The following RGL1 variants were observed in gnomAD, a reference collection of about 807,000 sequenced individuals.
The protein encoded by RGL1 is ral guanine nucleotide dissociation stimulator-like 1.
Under a neutral mutation model 95.2 loss-of-function variants are expected in RGL1, and 24 were observed. The observed-to-expected ratio is 0.25, with a 90% confidence interval of 0.18 to 0.35. The LOEUF is 0.35. Ranked by LOEUF, RGL1 falls within the 10% of genes least tolerant of loss-of-function variation. The probability of loss-of-function intolerance (pLI) is 1.00; values close to 1 mark genes in which losing one functional copy is unlikely to be tolerated. For missense variants in RGL1, 715 were observed against 936.3 expected, an observed-to-expected ratio of 0.76 and a Z score of 3.08; for synonymous variants, 329 against 344.9, an observed-to-expected ratio of 0.95 and a Z score of 0.51.
At chr1:183,749,612 G>C (rs552659612) in intron 2 of RGL1, among the ~76,000 whole-genome samples, 27 of 152,288 alleles carry the variant, frequency 1.8e-4, no homozygotes, top group African/African-American at 6.5e-4. Flanking sequence ...CATGATGCTA[G>C]CTGGTAATTT....
In RGL1 at chr1:183,805,321, A is replaced by G; in HGVS notation, c.24A>G (p.Lys8=). Residue 8 remains lysine, a synonymous_variant, in exon 1 of 18, where the codon AAA becomes AAG. Transcript: ENST00000360851. The part of the protein sequence containing the change: MKLLWQA[K]MSSIQDWGEE... ...GAATGAAATTGCTTTGGCAAGCTAAAATGGTAACGAGAGCTCTCTGCCTTC... is the reference window on the plus strand; with the variant it reads ...GAATGAAATTGCTTTGGCAAGCTAAGATGGTAACGAGAGCTCTCTGCCTTC... The G allele has an allele frequency of 3.7e-6, 6 of 1,611,574 alleles. No homozygotes were observed. Among genetic ancestry groups the G allele is most frequent in the Non-Finnish European group, 5.1e-6 (6 of 1,179,308 alleles).
chr1:183,650,058 C>T (rs1650606096), intron 1 of RGL1, among the ~76,000 whole-genome samples: 2 of 152,158 alleles, frequency 1.3e-5, no homozygotes, highest in Non-Finnish European at 2.9e-5. Context: ...AGTGATCCTC[C>T]TACCTTGGCC....
At chr1:183,907,231 T>C (rs1327966706) in intron 14 of RGL1, 130 bp downstream of exon 14, 24 of 641,604 alleles carry the variant, frequency 3.7e-5, no homozygotes, top group Non-Finnish European at 4.8e-5. Flanking sequence ...TTAAGCCGTT[T>C]ATCCTTCTGT....
chr1:183,710,595 C>T (rs924098638), intron 1 of RGL1, among the ~76,000 whole-genome samples: 3 of 152,140 alleles, frequency 2.0e-5, no homozygotes, highest in African/African-American at 4.8e-5. Flanking sequence ...CATAGTTCTG[C>T]CTGGCTAGAG....
chr1:183,800,434 C>T (rs1660928650), upstream of RGL1, among the ~76,000 whole-genome samples: 1 of 152,078 alleles, frequency 6.6e-6, no homozygotes, highest in South Asian at 2.1e-4. Flanking sequence ...TACCTCTTTC[C>T]TCTTATATGC....
At chr1:183,689,119 C>T (rs140997600) in intron 1 of RGL1, among the ~76,000 whole-genome samples, 2 of 152,082 alleles carry the variant, frequency 1.3e-5, no homozygotes, top group South Asian at 2.1e-4. Flanking sequence ...GAGTCAGCCA[C>T]GTGTATTTCT....
intron 1 of RGL1, among the ~76,000 whole-genome samples, chr1:183,699,793 G>T (rs548947310): frequency 6.6e-6 from 1 of 152,094 alleles, no homozygotes; most frequent in Non-Finnish European, 1.5e-5. Context: ...CTTGGTTCTT[G>T]TTTACCCACC....
rs780065630 is a variant in RGL1, at chr1:183,900,204, A to G, written c.1285A>G (p.Met429Val). The change falls in exon 11 of 18, where the codon ATG (methionine) becomes GTG (valine). Residue 429 changes from methionine (M) to valine (V), a missense_variant. Physicochemically the swap from Met to Val is conservative, Grantham distance 21. Around this residue, in one of 3 missense-constraint regions of RGL1, gnomAD observed 330 missense variants for 429.6 expected, o/e 0.77. Transcript: ENST00000360851. ...GGGCACCTTCCTGACTGACCTGACC[A>G]TGCTTGACACTGCCCTTCAGGACTA... The part of the protein sequence containing the change: ...YLGTFLTDLT[M>V]LDTALQDYIE... The G allele has an allele frequency of 5.6e-6, 9 of 1,613,926 alleles. No individual in the cohort carries two copies. Among genetic ancestry groups the G allele is most frequent in the Non-Finnish European group, 7.6e-6 (9 of 1,179,824 alleles).
At chr1:183,689,830 A>G (rs1653838273) in intron 1 of RGL1, among the ~76,000 whole-genome samples, 1 of 152,140 alleles carries the variant, frequency 6.6e-6, no homozygotes, top group South Asian at 2.1e-4. Flanking sequence ...TGCAATAAAA[A>G]ACATTCATTC....
intron 16 of RGL1, among the ~76,000 whole-genome samples, chr1:183,919,613 T>C (rs1186539498): frequency 7.9e-5 from 12 of 152,152 alleles, no homozygotes; most frequent in Non-Finnish European, 1.5e-5. Flanking sequence ...GGCCCTTCCA[T>C]AGAAGAAGAG....
intron 1 of RGL1, among the ~76,000 whole-genome samples, chr1:183,643,835 A>G (rs750026105): frequency 2.0e-5 from 3 of 152,174 alleles, no homozygotes; most frequent in Non-Finnish European, 4.4e-5. Context: ...TTTGCACTTA[A>G]TTTTAACTAA....
At chr1:183,660,826 A>G (rs1244155626) in intron 1 of RGL1, among the ~76,000 whole-genome samples, 5 of 152,314 alleles carry the variant, frequency 3.3e-5, no homozygotes, top group East Asian at 1.9e-4. Flanking sequence ...TCCTCAGCAA[A>G]TGTAAAAGAT....
Position 183,926,368 on chromosome 1 carries a change from C to T in RGL1, c.*76C>T, listed in dbSNP as rs975324766. 7.9e-7 allele frequency: 1 copy of T among 1,272,366 alleles called. No individual in the cohort carries two copies. 78.8% of individuals were successfully genotyped at this position (1,272,366 alleles called of 1,614,324 possible). On this transcript the variant is annotated 3_prime_UTR_variant, in exon 18 of 18. Coordinates refer to ENST00000360851, the MANE Select transcript of RGL1 (RefSeq NM_001297671.3). ...AACAGGCTGCGGTGATTGCAATTAC[C>T]ATCCGGTGTTCGAGGATCATTGGTG...
chr1:183,839,077 C>T (rs1372378238), intron 2 of RGL1, among the ~76,000 whole-genome samples: 3 of 152,176 alleles, frequency 2.0e-5, no homozygotes, highest in Admixed American at 1.3e-4. Flanking sequence ...ATAGATCAGA[C>T]GATGTATGAA....
At chr1:183,785,520 A>T (rs937840619) in intron 2 of RGL1, among the ~76,000 whole-genome samples, 3 of 152,162 alleles carry the variant, frequency 2.0e-5, no homozygotes, top group African/African-American at 7.2e-5. Context: ...TATTATCTTT[A>T]TCCTCTACCT....
chr1:183,660,237 G>C (rs1375742617), intron 1 of RGL1, among the ~76,000 whole-genome samples: 1 of 152,116 alleles, frequency 6.6e-6, no homozygotes, highest in Non-Finnish European at 1.5e-5. Context: ...TGGACTAAAT[G>C]CTCCAATTAA....
At chr1:183,916,311 A>T in intron 15 of RGL1, 136 bp from the exon 16 acceptor site, 2 of 1,020,620 alleles carry the variant, frequency 2.0e-6, no homozygotes, top group Non-Finnish European at 2.9e-6. Flanking sequence ...GGGATGAGAC[A>T]CATGTGTGCT....
intron 3 of RGL1, among the ~76,000 whole-genome samples, chr1:183,865,420 A>T (rs1665766454): frequency 6.6e-6 from 1 of 152,124 alleles, no homozygotes; most frequent in Non-Finnish European, 1.5e-5. Flanking sequence ...AAGACATGAG[A>T]GCTTCTACTG....
chr1:183,652,801 C>T (rs143628180), intron 1 of RGL1, among the ~76,000 whole-genome samples: 7 of 152,334 alleles, frequency 4.6e-5, no homozygotes, highest in African/African-American at 1.7e-4. Flanking sequence ...GCAGTAAGAA[C>T]AGAGATGTGT....
Sources: allele counts gnomAD v4.1 joint callset (sites outside exome capture counted in the v4.1 genomes callset), GRCh38; gene constraint gnomAD v4.1.1; regional missense constraint gnomAD v4.1.1; transcripts MANE v1.5; gene names NCBI Gene and HGNC (gene_info 2026-07-23, HGNC 2026-07-21).